CABYR: variants seen among roughly 807,000 people sequenced by gnomAD.
CABYR encodes calcium binding tyrosine phosphorylation regulated, also known as calcium-binding tyrosine phosphorylation-regulated protein.
Under a neutral mutation model 36.1 loss-of-function variants are expected in CABYR, and 31 were observed. The observed-to-expected ratio is 0.86, with a 90% CI of 0.64 to 1.16. CABYR has a LOEUF of 1.16. Among genes scored for constraint, CABYR ranks in the 50% most tolerant of loss-of-function variants. The pLI is 0.00. For synonymous variants in CABYR, 146 were observed against 160.7 expected (o/e 0.91, Z 0.69); for missense variants, 429 against 455.8 (o/e 0.94, Z 0.53).
In CABYR at chr18:24,143,125, C is replaced by T; in HGVS notation, c.11C>T (p.Ser4Leu). The T allele has an allele frequency of 6.2e-7, 1 of 1,602,338 alleles. No individual in the cohort carries two copies. The highest frequency in any genetic ancestry group is 8.5e-7 in the Non-Finnish European group (1 of 1,175,618). Residue 4 changes from serine to leucine, a missense_variant, in exon 2 of 6, where the codon TCA becomes TTA. Transcript: ENST00000399496. MIS[S>L]KPRLVVPYGL... ...AGACATCCTGCCAAAATGATTTCTT[C>T]AAAGCCCAGACTTGTCGTACCCTAT...
chr18:24,152,815 C>T (rs571184666), intron 3 of CABYR: 13 of 152,148 alleles, frequency 8.5e-5, no homozygotes, highest in Non-Finnish European at 1.3e-4. Context: ...TCTTGATAAA[C>T]GCTCATGGTA....
intron 3 of CABYR, among the ~76,000 whole-genome samples, chr18:24,148,232 C>T (rs2085506856): frequency 2.0e-5 from 3 of 152,104 alleles, no homozygotes. Context: ...ATCCTGCCTC[C>T]TAAAATACTA....
intron 3 of CABYR, among the ~76,000 whole-genome samples, chr18:24,155,251 G>A (rs912824243): frequency 2.0e-5 from 3 of 152,078 alleles, no homozygotes; most frequent in Non-Finnish European, 2.9e-5. Flanking sequence ...CTTAGTTCTA[G>A]GCACAAAGTT....
intron 4 of CABYR, 50 bp from the exon 5 acceptor site, chr18:24,159,422 G>A (rs2085886162): frequency 1.6e-6 from 2 of 1,266,526 alleles, no homozygotes; most frequent in Non-Finnish European, 2.3e-6. Context: ...TATGCATAGT[G>A]CCTGATACAG....
At chr18:24,161,461 T>C in intron 5 of CABYR, 55 bp from the exon 6 acceptor site, 1 of 776,782 alleles carries the variant, frequency 1.3e-6, no homozygotes, top group Non-Finnish European at 2.4e-6. Context: ...TCATTTCACA[T>C]GTTCGGTTTC....
At chr18:24,154,128 A>AAT (rs2085710923) in intron 3 of CABYR, among the ~76,000 whole-genome samples, 2 of 147,944 alleles carry the variant, frequency 1.4e-5, no homozygotes, top group South Asian at 2.2e-4. Flanking sequence ...AAAAAAAAAA[A>AAT]TTTTTCCCCT....
chr18:24,159,815 G>A lies in CABYR; in HGVS notation c.885G>A (p.Val295=), dbSNP rs1373456882. ...TCTTGAGATATGTTGCAATGCAAGT[G>A]CCCATTGCTGTTCCTGCAGATGAGA... The part of the protein sequence containing the change: ...SDVLRYVAMQ[V]PIAVPADEKY... The change falls in exon 5 of 6, where the codon GTG becomes GTA. Residue 295 remains valine (V), a synonymous_variant. Coordinates refer to ENST00000399496, the MANE Select transcript of CABYR (RefSeq NM_153769.3). The A allele has an allele frequency of 1.2e-6, 2 of 1,613,912 alleles. No individual in the cohort carries two copies. The highest frequency in any genetic ancestry group is 2.2e-5 in the East Asian group (1 of 44,886).
chr18:24,155,061 A>G (rs1163963910), intron 3 of CABYR, among the ~76,000 whole-genome samples: 2 of 152,144 alleles, frequency 1.3e-5, no homozygotes, highest in East Asian at 3.8e-4. Flanking sequence ...TTATATACCA[A>G]TTTTCTTAAA....
chr18:24,150,783 GTTT>G (rs10715707), intron 3 of CABYR, among the ~76,000 whole-genome samples: 1 of 113,586 alleles, frequency 8.8e-6, no homozygotes, highest in South Asian at 3.0e-4. Flanking sequence ...TTTGTTTTTT[GTTT>G]TTTTTTTTTT....
intron 3 of CABYR, chr18:24,148,528 G>T: frequency 6.4e-6 from 1 of 157,314 alleles, no homozygotes; most frequent in Non-Finnish European, 1.4e-5. Context: ...TGTTGGGAGT[G>T]ATGGTGTGTC....
intron 3 of CABYR, among the ~76,000 whole-genome samples, chr18:24,148,063 G>A: frequency 6.6e-6 from 1 of 152,154 alleles, no homozygotes; most frequent in South Asian, 2.1e-4. Context: ...AGAAAGTGGT[G>A]GCAGTGGTGA....
At position 24,159,551 on chromosome 18, in the gene CABYR, A is replaced by G. The variant is rs768175096; in HGVS notation, c.621A>G (p.Gln207=). Residue 207 remains glutamine (Q), a synonymous_variant, in exon 5 of 6, where the codon CAA becomes CAG. Coordinates refer to ENST00000399496, the MANE Select transcript of CABYR (RefSeq NM_153769.3). The stretch of plus-strand genomic sequence containing the variant: ...TTTATTGTCTAACTGATAAGAATCA[A>G]CAAGGTCACCCATCACCGCCACCTG... ...WTLYCLTDKN[Q]QGHPSPPPAP... The G allele has an allele frequency of 6.8e-6, 11 of 1,614,046 alleles. No homozygotes were observed. In the East Asian group the frequency reaches 1.8e-4, roughly 26 times the overall value.
At chr18:24,158,830 A>T (rs1339569945) in intron 4 of CABYR, among the ~76,000 whole-genome samples, 2 of 152,106 alleles carry the variant, frequency 1.3e-5, no homozygotes, top group African/African-American at 4.8e-5. Flanking sequence ...GGCACTCCTA[A>T]ACCTCTTTTT....
At position 24,143,347 on chromosome 18, in the gene CABYR, T is replaced by C. The variant is rs376839136; in HGVS notation, c.146-13T>C. 8 of 1,594,760 alleles carry C rather than the reference T, an allele frequency of 5.0e-6. No individual in the cohort carries two copies. The highest frequency in any genetic ancestry group is 6.9e-6 in the Non-Finnish European group (8 of 1,167,860). On this transcript the variant is annotated splice_polypyrimidine_tract_variant and intron_variant, in intron 2 of 5. Coordinates refer to ENST00000399496, the MANE Select transcript of CABYR (RefSeq NM_153769.3). Reference sequence around the variant, plus strand: ...ATGTATCTGTATTTGATTTCCTGTATTGATTCCTTCAGGGAATACTACTAT... The same window carrying C: ...ATGTATCTGTATTTGATTTCCTGTACTGATTCCTTCAGGGAATACTACTAT...
Position 24,143,138 on chromosome 18 carries a change from TGTC to T in CABYR, c.27_29del (p.Val10del), listed in dbSNP as rs1461040629. The T allele has an allele frequency of 4.3e-6, 7 of 1,611,514 alleles. No homozygotes were observed. Among genetic ancestry groups the T allele is most frequent in the Middle Eastern group, 1.6e-4 (1 of 6,084 alleles). ...AAATGATTTCTTCAAAGCCCAGACTTGTCGTACCCTATGGCCTCAAGACTCTGC... is the reference window on the plus strand; with the variant it reads ...AAATGATTTCTTCAAAGCCCAGACTTGTACCCTATGGCCTCAAGACTCTGC... On this transcript the variant is annotated inframe_deletion, in exon 2 of 6. Transcript: ENST00000399496.
intron 1 of CABYR, among the ~76,000 whole-genome samples, chr18:24,142,340 G>A (rs2085345087): frequency 6.6e-6 from 1 of 151,008 alleles, no homozygotes. Context: ...CAGCATGTCT[G>A]AGAATATATT....
chr18:24,155,589 TG>T (rs2085759032), intron 3 of CABYR, 111 bp from the exon 4 acceptor site: 2 of 811,224 alleles, frequency 2.5e-6, no homozygotes, highest in South Asian at 2.0e-5. Context: ...TCCAAAGTCC[TG>T]GGATTACAGG....
In CABYR at chr18:24,159,555, G is replaced by A; in HGVS notation, c.625G>A (p.Gly209Ser). 1 of 1,613,788 alleles carries A rather than the reference G, an allele frequency of 6.2e-7. No individual in the cohort carries two copies. The highest frequency in any genetic ancestry group is 8.5e-7 in the Non-Finnish European group (1 of 1,179,976). The change falls in exon 5 of 6, where the codon GGT becomes AGT. Residue 209 changes from glycine to serine, a missense_variant. By Grantham distance (56) the Gly-to-Ser change is moderately conservative. Coordinates refer to ENST00000399496, the MANE Select transcript of CABYR (RefSeq NM_153769.3). ...LYCLTDKNQQ[G>S]HPSPPPAPGP... ...TTGTCTAACTGATAAGAATCAACAA[G>A]GTCACCCATCACCGCCACCTGCACC...
chr18:24,160,174 T>G, intron 5 of CABYR, 105 bp downstream of exon 5: 1 of 846,262 alleles, frequency 1.2e-6, no homozygotes, highest in Non-Finnish European at 1.9e-6. Flanking sequence ...CAATTTGAGA[T>G]AATAAGTTGG....
Sources: allele counts gnomAD v4.1 joint callset (sites outside exome capture counted in the v4.1 genomes callset), GRCh38; gene constraint gnomAD v4.1.1; transcripts MANE v1.5; gene names NCBI Gene and HGNC (gene_info 2026-07-23, HGNC 2026-07-21).